Variants in NBEA observed in about 807,000 individuals in gnomAD.
NBEA encodes lysosomal-trafficking regulator 2.
Under a neutral mutation model 343.4 loss-of-function variants are expected in NBEA, and 44 were observed. The ratio of observed to expected loss-of-function variants is 0.13; its 90% CI spans 0.10 to 0.16. The LOEUF (loss-of-function observed/expected upper bound fraction) is 0.16, where lower values mean the gene tolerates loss of function less well. Ranked by LOEUF, NBEA falls within the 10% of genes least tolerant of loss-of-function variation. The pLI is 1.00. For missense variants in NBEA, 2,555 were observed against 3,631.3 expected, an observed-to-expected ratio of 0.70 and a Z score of 7.62; for synonymous variants, 1,175 against 1,238.7, an observed-to-expected ratio of 0.95 and a Z score of 1.08.
intron 1 of NBEA, among the ~76,000 whole-genome samples, chr13:34,964,683 TA>T (rs2059764718): frequency 1.3e-5 from 2 of 152,002 alleles, no homozygotes; most frequent in Non-Finnish European, 2.9e-5. Context: ...AATCTGCAGA[TA>T]CCTATTTGTG....
chr13:35,206,451 T>C (rs1350328906), intron 31 of NBEA, among the ~76,000 whole-genome samples: 1 of 152,166 alleles, frequency 6.6e-6, no homozygotes, highest in Admixed American at 6.6e-5. Flanking sequence ...TAATGACTTA[T>C]CTTCAAATCG....
At chr13:34,950,302 C>T (rs1450594688) in intron 1 of NBEA, among the ~76,000 whole-genome samples, 1 of 152,072 alleles carries the variant, frequency 6.6e-6, no homozygotes, top group Non-Finnish European at 1.5e-5. Context: ...GCAGTCTGCA[C>T]CATGAAGTCA....
intron 38 of NBEA, among the ~76,000 whole-genome samples, chr13:35,396,691 T>G (rs2042761511): frequency 6.6e-6 from 1 of 152,076 alleles, no homozygotes; most frequent in South Asian, 2.1e-4. Context: ...CCAAAATGAT[T>G]CTATTTTTGT....
intron 45 of NBEA, among the ~76,000 whole-genome samples, chr13:35,571,410 C>T (rs889827557): frequency 5.1e-4 from 77 of 152,194 alleles, no homozygotes; most frequent in African/African-American, 1.9e-3. Context: ...ATGTAGGCTT[C>T]GCTCAAATAT....
At chr13:34,950,718 TTTAA>T (rs2059324841) in intron 1 of NBEA, among the ~76,000 whole-genome samples, 2 of 152,018 alleles carry the variant, frequency 1.3e-5, no homozygotes, top group Admixed American at 1.3e-4. Context: ...AATATACATG[TTTAA>T]TTAATATAAA....
chr13:34,992,657 G>C (rs1052031466), intron 1 of NBEA, among the ~76,000 whole-genome samples: 1 of 151,224 alleles, frequency 6.6e-6, no homozygotes, highest in African/African-American at 2.4e-5. Context: ...TAAGGTAAAG[G>C]CTAGAAATAC....
intron 34 of NBEA, among the ~76,000 whole-genome samples, chr13:35,285,551 G>T (rs1031287671): frequency 6.6e-6 from 1 of 152,004 alleles, no homozygotes; most frequent in African/African-American, 2.4e-5. Flanking sequence ...TCAGTTAAAG[G>T]TATCATCATC....
At position 35,477,883 on chromosome 13, in the gene NBEA, A is replaced by C. The variant is rs2075947077; in HGVS notation, c.6585+5347A>C. Among the ~76,000 whole-genome samples the C allele has an allele frequency of 4.6e-5, 7 of 152,170 alleles. No individual in the cohort carries two copies. In the South Asian group the frequency reaches 1.5e-3, roughly 32 times the overall value. ...AATTTTGGAACCTGGAAACAGGAGG[A>C]GGAATTTTTTTTTCTAGTTGGTGGT... is the stretch of plus-strand genomic sequence containing the variant. On this transcript the variant is annotated intron_variant, in intron 41 of 58. Transcript: ENST00000379939.
chr13:35,627,961 A>G, intron 48 of NBEA, 120 bp from the exon 49 acceptor site: 1 of 702,752 alleles, frequency 1.4e-6, no homozygotes, highest in Non-Finnish European at 2.2e-6. Flanking sequence ...TAAATCAAGT[A>G]CAGAAATTTA....
At chr13:35,410,859 T>A (rs1341061018) in intron 38 of NBEA, among the ~76,000 whole-genome samples, 1 of 152,200 alleles carries the variant, frequency 6.6e-6, no homozygotes, top group African/African-American at 2.4e-5. Flanking sequence ...ATAAGGGGAA[T>A]GAGCAGGAAC....
intron 39 of NBEA, among the ~76,000 whole-genome samples, chr13:35,436,667 G>C (rs766164763): frequency 8.3e-5 from 12 of 145,184 alleles, no homozygotes; most frequent in Non-Finnish European, 1.6e-4. Flanking sequence ...CCTAGATCGC[G>C]CCAATGCACT....
intron 11 of NBEA, among the ~76,000 whole-genome samples, chr13:35,107,703 G>A (rs1192962473): frequency 6.6e-6 from 1 of 151,892 alleles, no homozygotes; most frequent in African/African-American, 2.4e-5. Flanking sequence ...CAGTGCCAGG[G>A]AGCATATTTG....
At chr13:35,369,378 A>C (rs2041306248) in intron 38 of NBEA, among the ~76,000 whole-genome samples, 1 of 151,630 alleles carries the variant, frequency 6.6e-6, no homozygotes, top group Admixed American at 6.6e-5. Flanking sequence ...AAGCTCTTTT[A>C]GGGTTCCATA....
chr13:35,010,000 A>G (rs1195420137), intron 1 of NBEA, among the ~76,000 whole-genome samples: 1 of 152,156 alleles, frequency 6.6e-6, no homozygotes, highest in Non-Finnish European at 1.5e-5. Flanking sequence ...TAGAGGATCT[A>G]ATTTGCAGGT....
chr13:34,991,112 T>C (rs551989184), intron 1 of NBEA, among the ~76,000 whole-genome samples: 2 of 152,306 alleles, frequency 1.3e-5, no homozygotes, highest in South Asian at 4.1e-4. Flanking sequence ...TTAACAAGTC[T>C]TTAGAAAGTT....
chr13:35,140,092 C>T (rs1254153124), intron 17 of NBEA, among the ~76,000 whole-genome samples: 1 of 152,074 alleles, frequency 6.6e-6, no homozygotes, highest in Non-Finnish European at 1.5e-5. Flanking sequence ...CACAAGCTCA[C>T]TGCAGCCTTG....
intron 1 of NBEA, among the ~76,000 whole-genome samples, chr13:34,976,906 A>G (rs1202640636): frequency 4.9e-5 from 7 of 143,700 alleles, no homozygotes; most frequent in East Asian, 2.1e-4. Context: ...GTTAAATGCT[A>G]TTTTGCTTCT....
intron 38 of NBEA, among the ~76,000 whole-genome samples, chr13:35,429,127 C>G (rs2044917912): frequency 6.6e-6 from 1 of 152,168 alleles, no homozygotes; most frequent in Non-Finnish European, 1.5e-5. Context: ...CATTACTGTC[C>G]AATGGGAGGT....
intron 34 of NBEA, among the ~76,000 whole-genome samples, 183 bp from the exon 35 acceptor site, chr13:35,290,206 A>G (rs907241870): frequency 6.6e-6 from 1 of 151,848 alleles, no homozygotes; most frequent in Admixed American, 6.6e-5. Context: ...CTGGAAGTGT[A>G]TCTAAATAGT....
Sources: gnomAD v4.1 joint callset for allele counts (sites outside exome capture counted in the v4.1 genomes callset) on GRCh38, gnomAD v4.1.1 for gene constraint, MANE v1.5 for transcripts, NCBI Gene and HGNC (gene_info 2026-07-23, HGNC 2026-07-21) for gene names.